COL21A1: variants seen among roughly 807,000 people sequenced by gnomAD.
The protein encoded by COL21A1 is collagen alpha-1(XXI) chain.
COL21A1 carries 149 observed loss-of-function variants against 137.9 expected under a neutral mutation model. The ratio of observed to expected loss-of-function variants is 1.08; its 90% CI spans 0.95 to 1.24. The LOEUF (loss-of-function observed/expected upper bound fraction) is 1.24, where lower values mean the gene tolerates loss of function less well. Among genes scored for constraint, COL21A1 ranks in the 50% most tolerant of loss-of-function variants. The pLI, the probability that COL21A1 is intolerant of heterozygous loss-of-function variation, is 0.00. For synonymous variants in COL21A1, 456 were observed against 391.5 expected (o/e 1.16, Z -1.95); for missense variants, 1,167 against 1,158.4 (o/e 1.01, Z -0.11).
intron 1 of COL21A1, among the ~76,000 whole-genome samples, chr6:56,302,182 T>G (rs139489444): frequency 2.3e-3 from 354 of 152,040 alleles, no homozygotes; most frequent in African/African-American, 8.1e-3. Context: ...AGTGCCACAA[T>G]AAACATATGT....
At chr6:56,203,159 T>A (rs988043237) in intron 1 of COL21A1, among the ~76,000 whole-genome samples, 2 of 152,210 alleles carry the variant, frequency 1.3e-5, no homozygotes, top group African/African-American at 2.4e-5. Flanking sequence ...AATTTCTAAC[T>A]CAGGTCAAAA....
At chr6:56,388,806 C>T (rs935582633) in intron 1 of COL21A1, among the ~76,000 whole-genome samples, 1 of 152,224 alleles carries the variant, frequency 6.6e-6, no homozygotes, top group Non-Finnish European at 1.5e-5. Flanking sequence ...CACTAGTGAC[C>T]AATCTCAGAG....
chr6:56,391,967 C>T (rs1167799254), intron 1 of COL21A1, among the ~76,000 whole-genome samples: 1 of 152,110 alleles, frequency 6.6e-6, no homozygotes, highest in Non-Finnish European at 1.5e-5. Flanking sequence ...TCAAACTATT[C>T]CCCAAAATCA....
At chr6:56,343,029 T>C (rs1765505910) in intron 1 of COL21A1, among the ~76,000 whole-genome samples, 1 of 152,208 alleles carries the variant, frequency 6.6e-6, no homozygotes, top group South Asian at 2.1e-4. Flanking sequence ...ATCATCTTTA[T>C]GTGAGCAGAA....
intron 1 of COL21A1, among the ~76,000 whole-genome samples, chr6:56,311,713 A>G (rs1312016295): frequency 6.6e-6 from 1 of 152,198 alleles, no homozygotes; most frequent in East Asian, 1.9e-4. Context: ...TTGCCCTGGA[A>G]ACACTTCTTG....
At position 56,328,289 on chromosome 6, in the gene COL21A1, A is replaced by G. The variant is rs552189634; in HGVS notation, c.-39+65682T>C. ...TAAATATATTTTAATAGTCTGTCCT[A>G]TCTCAAATTTGATAATACAATATGC... On this transcript the variant is annotated intron_variant, in intron 1 of 28. Coordinates refer to the COL21A1 transcript ENST00000370819. Among the ~76,000 whole-genome samples, 7 of 152,206 alleles carry G rather than the reference A, an allele frequency of 4.6e-5. No homozygotes were observed. In the South Asian group the frequency reaches 1.4e-3, roughly 32 times the overall value.
chr6:56,365,866 C>G (rs1344582332), intron 1 of COL21A1, among the ~76,000 whole-genome samples: 2 of 152,150 alleles, frequency 1.3e-5, no homozygotes, highest in African/African-American at 4.8e-5. Context: ...ACTATAGCCC[C>G]TTATAGATTA....
chr6:56,064,713 A>G (rs897004862), intron 23 of COL21A1, 91 bp from the exon 24 acceptor site: 2 of 706,942 alleles, frequency 2.8e-6, no homozygotes, highest in African/African-American at 3.7e-5. Context: ...CTTGAGTTCC[A>G]GAAGAAACGT....
chr6:56,157,101 T>C (rs1182296842), intron 9 of COL21A1, among the ~76,000 whole-genome samples, 152 bp from the exon 10 acceptor site: 2 of 152,004 alleles, frequency 1.3e-5, no homozygotes, highest in Non-Finnish European at 2.9e-5. Flanking sequence ...TTTAAATGCT[T>C]ACTTAATAAA....
Position 56,334,128 on chromosome 6 carries a change from C to T in COL21A1, c.-39+59843G>A, listed in dbSNP as rs561320245. 2.0e-5 allele frequency among the ~76,000 whole-genome samples: 3 copies of T among 152,156 alleles called. No individual in the cohort carries two copies. The South Asian group carries it at 6.2e-4, about 32-fold the overall frequency. On this transcript the variant is annotated intron_variant, in intron 1 of 28. Coordinates refer to the COL21A1 transcript ENST00000370819. ...ACTTATTCAGAGAAACCTTCCATGACTACTCAACAGAATTTGGGTCCTTTC... is the reference window on the plus strand; with the variant it reads ...ACTTATTCAGAGAAACCTTCCATGATTACTCAACAGAATTTGGGTCCTTTC...
intron 1 of COL21A1, among the ~76,000 whole-genome samples, chr6:56,208,063 C>A (rs1779908099): frequency 6.6e-6 from 1 of 152,036 alleles, no homozygotes; most frequent in African/African-American, 2.4e-5. Context: ...TATGACAAAC[C>A]CACAGCCAAT....
chr6:56,378,212 T>C (rs1452009541), intron 1 of COL21A1, among the ~76,000 whole-genome samples: 1 of 152,058 alleles, frequency 6.6e-6, no homozygotes, highest in Non-Finnish European at 1.5e-5. Flanking sequence ...AAAGCAGACT[T>C]TGACATGCAC....
intron 1 of COL21A1, among the ~76,000 whole-genome samples, chr6:56,246,393 A>G (rs967040131): frequency 6.6e-6 from 1 of 152,184 alleles, no homozygotes; most frequent in African/African-American, 2.4e-5. Context: ...AAGCAAGTAT[A>G]CAAATTCTAC....
chr6:56,117,148 T>A (rs552479843), intron 16 of COL21A1, among the ~76,000 whole-genome samples: 3 of 151,950 alleles, frequency 2.0e-5, no homozygotes, highest in African/African-American at 7.2e-5. Flanking sequence ...TCAAAACACA[T>A]AGACTGGCTG....
At chr6:56,083,445 G>T (rs966975166) in intron 17 of COL21A1, among the ~76,000 whole-genome samples, 37 of 151,976 alleles carry the variant, frequency 2.4e-4, no homozygotes, top group African/African-American at 8.9e-4. Context: ...AATTACTCAT[G>T]ATCAGATTGG....
chr6:56,245,840 C>A (rs1369659834), intron 1 of COL21A1, among the ~76,000 whole-genome samples: 1 of 152,150 alleles, frequency 6.6e-6, no homozygotes, highest in African/African-American at 2.4e-5. Flanking sequence ...AGTTTATATA[C>A]CTCAGTCACA....
In COL21A1 at chr6:56,334,236, A is replaced by AC. The variant is rs1306215717; in HGVS notation, c.-39+59734dup. Reference sequence around the variant, plus strand: ...TCCAGAAACATGGTGTCAAAGTAGGACCCCCAAGATTAGTAGCACCAGCAT... The same window carrying AC: ...TCCAGAAACATGGTGTCAAAGTAGGACCCCCCAAGATTAGTAGCACCAGCAT... On this transcript the variant is annotated intron_variant, in intron 1 of 28. Transcript: ENST00000370819. 1.2e-4 allele frequency among the ~76,000 whole-genome samples: 18 copies of AC among 152,174 alleles called. No homozygotes were observed. In the East Asian group the frequency reaches 3.5e-3, roughly 29 times the overall value.
At chr6:56,128,326 C>T (rs1390663306) in intron 12 of COL21A1, among the ~76,000 whole-genome samples, 3 of 152,180 alleles carry the variant, frequency 2.0e-5, no homozygotes, top group Non-Finnish European at 4.4e-5. Context: ...GTCTTCCTCT[C>T]CCTGTCTTGT....
chr6:56,068,524 T>C (rs1233031060), intron 22 of COL21A1, among the ~76,000 whole-genome samples: 2 of 151,580 alleles, frequency 1.3e-5, no homozygotes, highest in Non-Finnish European at 3.0e-5. Context: ...CTTGCCAAAA[T>C]ATTTTAAATT....
Sources: allele counts gnomAD v4.1 joint callset (sites outside exome capture counted in the v4.1 genomes callset), GRCh38; gene constraint gnomAD v4.1.1; transcripts MANE v1.5; gene names NCBI Gene and HGNC (gene_info 2026-07-23, HGNC 2026-07-21).